AKAP19: variants seen among roughly 807,000 people sequenced by gnomAD.
AKAP19 encodes the protein A-kinase anchoring protein 19.
chr2:189,983,398 C>A, the AKAP19 span, among the ~76,000 whole-genome samples: 1 of 152,086 alleles, frequency 6.6e-6, no homozygotes, highest in Non-Finnish European at 1.5e-5. Context: ...TTGGGCCCTA[C>A]CATTTGTGGA....
At chr2:189,990,601 T>C in the AKAP19 span, among the ~76,000 whole-genome samples, 1 of 152,228 alleles carries the variant, frequency 6.6e-6, no homozygotes, top group Admixed American at 6.5e-5. Flanking sequence ...TACGAGGCTT[T>C]GGAATTAGGA....
the AKAP19 span, chr2:189,930,315 AG>A: frequency 3.1e-6 from 2 of 647,992 alleles, no homozygotes. Flanking sequence ...TCCATGGAGG[AG>A]GGGCACGTGA....
At chr2:190,158,320 C>A in the AKAP19 span, among the ~76,000 whole-genome samples, 1 of 152,076 alleles carries the variant, frequency 6.6e-6, no homozygotes, top group Admixed American at 6.5e-5. Context: ...TGTCCTGCTA[C>A]AAAAGCAGGG....
chr2:190,109,677 G>A, the AKAP19 span, among the ~76,000 whole-genome samples: 1 of 152,156 alleles, frequency 6.6e-6, no homozygotes, highest in Non-Finnish European at 1.5e-5. Context: ...GCAAGCTAAG[G>A]TGTCTTGGTC....
the AKAP19 span, among the ~76,000 whole-genome samples, chr2:190,088,199 G>A: frequency 1.3e-5 from 2 of 152,178 alleles, no homozygotes; most frequent in African/African-American, 2.4e-5. Context: ...TTCTGGTACA[G>A]TGAGAGGAGA....
chr2:190,005,175 A>G, the AKAP19 span, among the ~76,000 whole-genome samples: 1 of 152,196 alleles, frequency 6.6e-6, no homozygotes, highest in Non-Finnish European at 1.5e-5. Context: ...AGCAGCAGCA[A>G]GATTTATTGT....
chr2:189,978,947 G>C, the AKAP19 span, among the ~76,000 whole-genome samples: 7 of 151,658 alleles, frequency 4.6e-5, no homozygotes, highest in Admixed American at 2.0e-4. Flanking sequence ...GACACAAATA[G>C]AAAAACATTC....
the AKAP19 span, among the ~76,000 whole-genome samples, chr2:190,008,772 C>A: frequency 0.067 from 2,302 of 34,184 alleles, 32 homozygotes; most frequent in Admixed American, 0.13. Context: ...ACACACACAC[C>A]CACCTGGTCT....
chr2:189,934,321 G>A, the AKAP19 span, among the ~76,000 whole-genome samples: 3 of 151,984 alleles, frequency 2.0e-5, no homozygotes, highest in Admixed American at 2.0e-4. Context: ...TGTAAAAACT[G>A]CCTAGCCTCA....
the AKAP19 span, among the ~76,000 whole-genome samples, chr2:190,199,330 G>A: frequency 0.29 from 43,343 of 151,990 alleles, 6,810 homozygotes; most frequent in East Asian, 0.47. Flanking sequence ...ATGTAAACAC[G>A]TGAGCATGGC....
the AKAP19 span, among the ~76,000 whole-genome samples, chr2:190,036,598 AT>A: frequency 0.88 from 133,378 of 151,312 alleles, 60,579 homozygotes; most frequent in East Asian, 1. Context: ...TTTTGGTAGT[AT>A]TTTTTTTTTC....
the AKAP19 span, among the ~76,000 whole-genome samples, chr2:190,159,999 G>A: frequency 4.6e-5 from 7 of 152,122 alleles, no homozygotes; most frequent in Admixed American, 3.9e-4. Context: ...CTTTCTTTTA[G>A]TATTTCAGTG....
chr2:190,111,676 GAC>G, the AKAP19 span, among the ~76,000 whole-genome samples: 1 of 151,946 alleles, frequency 6.6e-6, no homozygotes, highest in Non-Finnish European at 1.5e-5. Context: ...CAGACAGAGA[GAC>G]AGAGAAAGAA....
chr2:190,051,834 A>G, the AKAP19 span, among the ~76,000 whole-genome samples: 1 of 150,382 alleles, frequency 6.6e-6, no homozygotes, highest in African/African-American at 2.4e-5. Context: ...TTATTTATTT[A>G]TTTATTTATT....
chr2:190,197,745 G>T, the AKAP19 span, among the ~76,000 whole-genome samples: 1 of 152,200 alleles, frequency 6.6e-6, no homozygotes, highest in South Asian at 2.1e-4. The surrounding 1 kb of genome is among the most constrained non-coding windows in gnomAD (Gnocchi z 4.0). Context: ...CATATATTTT[G>T]TCTGGTTTTA....
chr2:190,110,940 G>A, the AKAP19 span, among the ~76,000 whole-genome samples: 7 of 152,160 alleles, frequency 4.6e-5, no homozygotes, highest in Non-Finnish European at 1.0e-4. Flanking sequence ...CTGTGCCCCA[G>A]GTGCTAATCT....
the AKAP19 span, among the ~76,000 whole-genome samples, chr2:190,082,900 A>G: frequency 3.3e-5 from 5 of 152,352 alleles, no homozygotes; most frequent in East Asian, 3.9e-4. Flanking sequence ...GAGATGCTCA[A>G]ATACATTCTC....
chr2:190,074,921 G>A, the AKAP19 span, among the ~76,000 whole-genome samples: 13 of 152,160 alleles, frequency 8.5e-5, no homozygotes, highest in African/African-American at 2.9e-4. Flanking sequence ...CATACACTAT[G>A]ATGTAAATGT....
chr2:190,128,209 G>C, the AKAP19 span, among the ~76,000 whole-genome samples: 37,106 of 152,050 alleles, frequency 0.24, 5,059 homozygotes, highest in Admixed American at 0.36. Context: ...TGGGGTTTTA[G>C]AGAACATTAT....
Sources: gnomAD v4.1 joint callset for allele counts (sites outside exome capture counted in the v4.1 genomes callset) on GRCh38, gnomAD v4.1.1 for gene constraint, Gnocchi (gnomAD v3.1) non-coding constraint, MANE v1.5 for transcripts, NCBI Gene and HGNC (gene_info 2026-07-23, HGNC 2026-07-21) for gene names.